Variants in AGBL4 observed in about 807,000 individuals in gnomAD.
AGBL4 encodes the protein AGBL carboxypeptidase 4.
AGBL4 carries 58 observed loss-of-function variants against 66.4 expected under a neutral mutation model. That is an observed-to-expected ratio of 0.87 (90% CI 0.71 to 1.09). The LOEUF is 1.09. Among genes scored for constraint, AGBL4 ranks in the 50% least tolerant of loss-of-function variants. AGBL4 has a pLI of 0.00. For synonymous variants in AGBL4, 234 were observed against 222.9 expected (o/e 1.05, Z -0.44); for missense variants, 579 against 631.0 (o/e 0.92, Z 0.88).
rs1024352315 is a variant in AGBL4 at position 49,161,831 on chromosome 1, C to T, written c.377+83939G>A. On this transcript the variant is annotated intron_variant, in intron 4 of 13. Transcript: ENST00000371839. ...AGCTTCTAAGATATTACTCCCTGCT[C>T]AGAGCTTAGCAGTCCCTCTCAGGAT... Among the ~76,000 whole-genome samples the T allele has an allele frequency of 8.5e-5, 13 of 152,260 alleles. 1 individual carries two copies. Among genetic ancestry groups the T allele is most frequent in the Admixed American group, 8.5e-4 (13 of 15,288 alleles).
At chr1:49,079,972 A>C (rs1191474113) in intron 4 of AGBL4, among the ~76,000 whole-genome samples, 2 of 152,232 alleles carry the variant, frequency 1.3e-5, no homozygotes, top group Admixed American at 1.3e-4. Context: ...AGAAGGGAAG[A>C]GAAGGTATTT....
intron 6 of AGBL4, among the ~76,000 whole-genome samples, chr1:48,768,455 T>G (rs923644875): frequency 6.6e-6 from 1 of 152,164 alleles, no homozygotes; most frequent in African/African-American, 2.4e-5. Context: ...GTTATTAATC[T>G]GAGGAGGATA....
chr1:49,863,249 C>G (rs1033405230), intron 1 of AGBL4, among the ~76,000 whole-genome samples: 2 of 152,154 alleles, frequency 1.3e-5, no homozygotes, highest in African/African-American at 4.8e-5. Context: ...GAAAATGAAT[C>G]TAGACCCCTA....
intron 3 of AGBL4, among the ~76,000 whole-genome samples, chr1:49,598,401 T>C (rs899079863): frequency 8.5e-5 from 13 of 152,208 alleles, no homozygotes; most frequent in African/African-American, 3.1e-4. Flanking sequence ...TTGGTGTGGA[T>C]GTCCTTTCTA....
At chr1:49,381,315 A>G (rs1435119012) in intron 3 of AGBL4, among the ~76,000 whole-genome samples, 1 of 152,260 alleles carries the variant, frequency 6.6e-6, no homozygotes, top group African/African-American at 2.4e-5. Context: ...CACACCAGTT[A>G]GAATGGCGAT....
At chr1:49,517,452 G>A (rs538567893) in intron 3 of AGBL4, among the ~76,000 whole-genome samples, 2 of 151,946 alleles carry the variant, frequency 1.3e-5, no homozygotes, top group Admixed American at 1.3e-4. Context: ...CTCATCCCAA[G>A]GTTTTTGCTG....
In AGBL4 at chr1:49,664,746, C is replaced by T. The variant is rs1400907590; in HGVS notation, c.282+32567G>A. The stretch of plus-strand genomic sequence containing the variant: ...AGCTTTCTGTAGAAACATAATATTG[C>T]TTTTAGTTAAGAATTTTAGCCATGG... On this transcript the variant is annotated intron_variant, in intron 3 of 13. Transcript: ENST00000371839. Among the ~76,000 whole-genome samples, 7 of 152,098 alleles carry T rather than the reference C, an allele frequency of 4.6e-5. No homozygotes were observed. The East Asian group carries it at 1.3e-3, about 29-fold the overall frequency.
chr1:48,876,337 A>T (rs1451172323), intron 5 of AGBL4, among the ~76,000 whole-genome samples: 6 of 152,236 alleles, frequency 3.9e-5, no homozygotes, highest in African/African-American at 1.4e-4. Context: ...TCATCCTAAA[A>T]TCTTACACAG....
At chr1:48,851,566 C>T (rs1054989536) in intron 6 of AGBL4, among the ~76,000 whole-genome samples, 52 of 152,084 alleles carry the variant, frequency 3.4e-4, no homozygotes, top group Admixed American at 7.9e-4. Flanking sequence ...GCCCTTGATA[C>T]AAAAAAGGAA....
intron 3 of AGBL4, among the ~76,000 whole-genome samples, chr1:49,356,438 T>C (rs1411105954): frequency 6.6e-6 from 1 of 152,216 alleles, no homozygotes; most frequent in Non-Finnish European, 1.5e-5. Context: ...GATTTGTAGA[T>C]GTGTTTCCTA....
chr1:49,557,427 C>G (rs752029754), intron 3 of AGBL4, among the ~76,000 whole-genome samples: 1 of 152,084 alleles, frequency 6.6e-6, no homozygotes, highest in African/African-American at 2.4e-5. Context: ...CACACCCCCA[C>G]AACCTGGCAG....
At chr1:49,286,683 C>A (rs1292580471) in intron 3 of AGBL4, among the ~76,000 whole-genome samples, 2 of 151,682 alleles carry the variant, frequency 1.3e-5, no homozygotes, top group African/African-American at 2.4e-5. Context: ...TCAAGGAGAA[C>A]TACAAACCAC....
At chr1:49,116,201 G>A (rs1569637544) in intron 4 of AGBL4, among the ~76,000 whole-genome samples, 1 of 151,850 alleles carries the variant, frequency 6.6e-6, no homozygotes, top group Admixed American at 6.6e-5. Flanking sequence ...GAGTTTAATT[G>A]GCAACATTTT....
chr1:49,304,741 C>T (rs1273510906), intron 3 of AGBL4, among the ~76,000 whole-genome samples: 2 of 152,092 alleles, frequency 1.3e-5, no homozygotes, highest in African/African-American at 4.8e-5. Flanking sequence ...ATAATTATTA[C>T]TAAAAATATT....
intron 3 of AGBL4, among the ~76,000 whole-genome samples, chr1:49,352,232 A>G (rs1002357690): frequency 6.6e-6 from 1 of 152,156 alleles, no homozygotes; most frequent in East Asian, 1.9e-4. Flanking sequence ...TTACATGCCT[A>G]TCTCCTCTTC....
At chr1:48,762,638 G>GT (rs1475123464) in intron 6 of AGBL4, among the ~76,000 whole-genome samples, 1 of 142,844 alleles carries the variant, frequency 7.0e-6, no homozygotes, top group Non-Finnish European at 1.5e-5. Flanking sequence ...GTGTGTGTGT[G>GT]TGTGTGTGTG....
intron 2 of AGBL4, among the ~76,000 whole-genome samples, chr1:49,714,922 A>G (rs1205379400): frequency 2.0e-5 from 3 of 151,830 alleles, no homozygotes; most frequent in Non-Finnish European, 4.4e-5. Flanking sequence ...TTTTCTATGC[A>G]TCCTCACTAG....
At chr1:49,416,268 G>T (rs1361224026) in intron 3 of AGBL4, among the ~76,000 whole-genome samples, 1 of 152,086 alleles carries the variant, frequency 6.6e-6, no homozygotes, top group Non-Finnish European at 1.5e-5. Flanking sequence ...TGTGTGAATA[G>T]ACGTATACAT....
chr1:48,534,954 T>C (rs758133401), intron 12 of AGBL4, 38 bp from the exon 13 acceptor site: 215 of 1,538,984 alleles, frequency 1.4e-4, no homozygotes, highest in Non-Finnish European at 1.8e-4. Flanking sequence ...TCCTGCCTCT[T>C]AGGCTCTAGT....
Sources: allele counts gnomAD v4.1 joint callset (sites outside exome capture counted in the v4.1 genomes callset), GRCh38; gene constraint gnomAD v4.1.1; transcripts MANE v1.5; gene names NCBI Gene and HGNC (gene_info 2026-07-23, HGNC 2026-07-21).